The following CTNNA3 variants were observed in gnomAD, a reference collection of about 807,000 sequenced individuals.
The protein encoded by CTNNA3 is catenin alpha 3, also known as catenin alpha-3.
A neutral mutation model predicts 95.7 loss-of-function variants in CTNNA3; 76 were observed. The ratio of observed to expected loss-of-function variants is 0.79; its 90% CI spans 0.66 to 0.96. The LOEUF (loss-of-function observed/expected upper bound fraction) is 0.96. Among genes scored for constraint, CTNNA3 ranks in the 40% least tolerant of loss-of-function variants. The pLI is 0.00. For synonymous variants in CTNNA3, 431 were observed against 374.4 expected (o/e 1.15, Z -1.74); for missense variants, 1,191 against 1,089.8 (o/e 1.09, Z -1.31).
At chr10:66,918,861 T>C (rs1266418196) in intron 7 of CTNNA3, among the ~76,000 whole-genome samples, 1 of 151,938 alleles carries the variant, frequency 6.6e-6, no homozygotes, top group Non-Finnish European at 1.5e-5. Context: ...GTTGGCTGGG[T>C]GCGGTGGCTC....
chr10:66,045,477 A>G (rs2079809630), intron 15 of CTNNA3, among the ~76,000 whole-genome samples: 1 of 152,238 alleles, frequency 6.6e-6, no homozygotes, highest in Non-Finnish European at 1.5e-5. Flanking sequence ...ACTGATTGTT[A>G]TAACATTAAA....
chr10:67,060,385 C>T (rs1313069229), intron 7 of CTNNA3, among the ~76,000 whole-genome samples: 2 of 152,064 alleles, frequency 1.3e-5, no homozygotes, highest in East Asian at 1.9e-4. Context: ...AGAAGACAAG[C>T]GTATATGAAA....
At chr10:67,107,840 G>A (rs1009803764) in intron 7 of CTNNA3, among the ~76,000 whole-genome samples, 13 of 152,178 alleles carry the variant, frequency 8.5e-5, no homozygotes, top group Admixed American at 7.9e-4. Flanking sequence ...TTTGCAGCAA[G>A]GAAGAGCCTG....
At chr10:67,204,371 TC>T (rs1554944878) in intron 6 of CTNNA3, among the ~76,000 whole-genome samples, 9 of 148,926 alleles carry the variant, frequency 6.0e-5, no homozygotes, top group African/African-American at 2.3e-4. Flanking sequence ...GTATGGCACC[TC>T]CCCCCCTCTC....
intron 3 of CTNNA3, among the ~76,000 whole-genome samples, chr10:67,584,263 T>C (rs1842536379): frequency 7.2e-5 from 11 of 152,230 alleles, no homozygotes. Flanking sequence ...ATGTCCTTTC[T>C]GTTTGTTAGT....
chr10:66,479,756 T>C (rs1839450446), intron 11 of CTNNA3, among the ~76,000 whole-genome samples: 3 of 139,316 alleles, frequency 2.2e-5, no homozygotes, highest in African/African-American at 5.8e-5. Context: ...CAGTGTTTTT[T>C]AGGTGTGTTT....
At chr10:67,549,778 CATAA>C (rs930247066) in intron 3 of CTNNA3, among the ~76,000 whole-genome samples, 5 of 152,090 alleles carry the variant, frequency 3.3e-5, no homozygotes, top group African/African-American at 1.2e-4. Context: ...TTTCAGTATA[CATAA>C]ATAAAGCTTT....
At chr10:66,901,591 A>G (rs563569490) in intron 7 of CTNNA3, among the ~76,000 whole-genome samples, 3 of 152,342 alleles carry the variant, frequency 2.0e-5, no homozygotes, top group Non-Finnish European at 4.4e-5. Flanking sequence ...CAAATTGGAT[A>G]AAGAGTCAAG....
intron 7 of CTNNA3, among the ~76,000 whole-genome samples, chr10:66,831,691 CA>C (rs372199930): frequency 6.1e-5 from 9 of 148,374 alleles, no homozygotes; most frequent in African/African-American, 2.0e-4. Context: ...AGAGAAGAAA[CA>C]AAAAAAAGGG....
chr10:66,420,252 G>A (rs972751189), intron 11 of CTNNA3, among the ~76,000 whole-genome samples: 1 of 152,136 alleles, frequency 6.6e-6, no homozygotes, highest in Non-Finnish European at 1.5e-5. Flanking sequence ...AGGAAGACAT[G>A]CAAATGGCCA....
Position 67,532,209 on chromosome 10 carries a change from G to T in CTNNA3, c.459+7294C>A, listed in dbSNP as rs575426439. The stretch of plus-strand genomic sequence containing the variant: ...ATATGCTTTTACATATTTTGCCTAA[G>T]ATCTTCCACAAAATATACATAGCTT... On this transcript the variant is annotated intron_variant, in intron 4 of 17. Coordinates refer to ENST00000433211, the MANE Select transcript of CTNNA3 (RefSeq NM_013266.4). Among the ~76,000 whole-genome samples, 3 of 152,140 alleles carry T rather than the reference G, an allele frequency of 2.0e-5. No homozygotes were observed. In the East Asian group the frequency reaches 5.8e-4, roughly 29 times the overall value.
chr10:66,888,044 C>G (rs1845111188), intron 7 of CTNNA3, among the ~76,000 whole-genome samples: 2 of 151,972 alleles, frequency 1.3e-5, no homozygotes. Flanking sequence ...TATAGAGGGC[C>G]CATTTTGATC....
intron 5 of CTNNA3, among the ~76,000 whole-genome samples, chr10:67,317,921 A>C (rs1404827640): frequency 1.3e-5 from 2 of 152,156 alleles, no homozygotes; most frequent in Non-Finnish European, 2.9e-5. Flanking sequence ...GAATCTCTTT[A>C]AAATCAGGAG....
intron 3 of CTNNA3, among the ~76,000 whole-genome samples, chr10:67,589,899 C>G (rs973846230): frequency 6.6e-6 from 1 of 151,976 alleles, no homozygotes; most frequent in Non-Finnish European, 1.5e-5. Context: ...TTATCTTTTT[C>G]CCCAACAACA....
chr10:67,569,159 G>C (rs771282289), intron 3 of CTNNA3, among the ~76,000 whole-genome samples: 1 of 152,052 alleles, frequency 6.6e-6, no homozygotes, highest in Admixed American at 6.6e-5. Context: ...CTAAAAAAAC[G>C]TTCAACATGG....
In CTNNA3 at chr10:67,696,193, G is replaced by A. The variant is rs1220822271; in HGVS notation, c.-199C>T. 1 of 152,124 alleles carries A rather than the reference G, an allele frequency of 6.6e-6. No individual in the cohort carries two copies. Among genetic ancestry groups the A allele is most frequent in the Non-Finnish European group, 1.5e-5 (1 of 68,028 alleles). The allele number at this position is 152,124 out of a possible 1,614,324, so 9.4% of individuals were successfully genotyped here. ...TGTTCACCCAGGATAAGAAAGAAAG[G>A]GGAGGTTACAAGCCAGGGTGGGTGG... On this transcript the variant is annotated 5_prime_UTR_variant, in exon 1 of 18. Transcript: ENST00000433211.
intron 10 of CTNNA3, among the ~76,000 whole-genome samples, chr10:66,591,416 G>T (rs1843546666): frequency 6.6e-6 from 1 of 152,100 alleles, no homozygotes; most frequent in African/African-American, 2.4e-5. Flanking sequence ...AGAAGGAAAA[G>T]ATATCATTTT....
chr10:65,988,638 T>C (rs1311818224), intron 16 of CTNNA3, 54 bp downstream of exon 16: 20 of 1,404,850 alleles, frequency 1.4e-5, no homozygotes, highest in Non-Finnish European at 1.8e-5. Context: ...AATGTTCTAA[T>C]GGCAAAGAGC....
chr10:66,655,363 T>C (rs1028630513), intron 9 of CTNNA3, among the ~76,000 whole-genome samples: 1 of 152,044 alleles, frequency 6.6e-6, no homozygotes, highest in Non-Finnish European at 1.5e-5. Flanking sequence ...CAGATAGTTA[T>C]TATTTTAAGA....
Sources: allele counts gnomAD v4.1 joint callset (sites outside exome capture counted in the v4.1 genomes callset), GRCh38; gene constraint gnomAD v4.1.1; transcripts MANE v1.5; gene names NCBI Gene and HGNC (gene_info 2026-07-23, HGNC 2026-07-21).